Variants in BRD4 observed in about 807,000 individuals in gnomAD.
BRD4 encodes the protein bromodomain containing 4.
A neutral mutation model predicts 142.1 loss-of-function variants in BRD4; 16 were observed. The ratio of observed to expected loss-of-function variants is 0.11; its 90% CI spans 0.08 to 0.17. The LOEUF is 0.17. Among genes scored for constraint, BRD4 ranks in the 10% least tolerant of loss-of-function variants. The probability of loss-of-function intolerance (pLI) is 1.00; values close to 1 mark genes in which losing one functional copy is unlikely to be tolerated. For synonymous variants in BRD4, 833 were observed against 707.5 expected (o/e 1.18, Z -2.82); for missense variants, 1,424 against 1,810.9 (o/e 0.79, Z 3.88).
intron 2 of BRD4, 112 bp from the exon 3 acceptor site, chr19:15,269,154 C>A (rs1402209672): frequency 1.8e-5 from 21 of 1,180,082 alleles, no homozygotes; most frequent in Non-Finnish European, 2.5e-5. Flanking sequence ...ACAGGTAAAT[C>A]CACGGGAGCC....
chr19:15,280,411 G>A (rs200114175), intron 1 of BRD4: 2 of 1,015,794 alleles, frequency 2.0e-6, no homozygotes, highest in Non-Finnish European at 2.4e-6. Context: ...CCCATAAGCT[G>A]GGTCTTAAGT....
At chr19:15,314,875 G>C (rs1318305859) in intron 1 of BRD4, among the ~76,000 whole-genome samples, 1 of 152,140 alleles carries the variant, frequency 6.6e-6, no homozygotes, top group Non-Finnish European at 1.5e-5. Flanking sequence ...GTAAGGTCTA[G>C]ACCAGACCTT....
chr19:15,323,663 T>C (rs978103798), intron 1 of BRD4, among the ~76,000 whole-genome samples: 4 of 152,100 alleles, frequency 2.6e-5, no homozygotes, highest in South Asian at 2.1e-4. Context: ...TTTCTGAAAA[T>C]TGTGTAATAC....
chr19:15,263,414 C>G lies in BRD4; in HGVS notation c.1341+6G>C, dbSNP rs28729313. 2.2e-3 allele frequency: 3,532 copies of G among 1,613,442 alleles called. 63 individuals are homozygous for G. In the African/African-American group the frequency reaches 0.041, roughly 19 times the overall value. Reference sequence around the variant, plus strand: ...CTGAGGGTGGCTGCGCCCTCCCAAGCCTCACCTGGAGCTTGCGGGCCATGG... The same window carrying G: ...CTGAGGGTGGCTGCGCCCTCCCAAGGCTCACCTGGAGCTTGCGGGCCATGG... On this transcript the variant is annotated splice_donor_region_variant and intron_variant, in intron 7 of 19. Coordinates refer to ENST00000679869, the MANE Select transcript of BRD4 (RefSeq NM_001379291.1).
chr19:15,267,851 C>G (rs907966394), intron 3 of BRD4, among the ~76,000 whole-genome samples: 1 of 152,200 alleles, frequency 6.6e-6, no homozygotes, highest in East Asian at 1.9e-4. Context: ...CAGCCAATCA[C>G]TGAAAGGGGC....
At chr19:15,292,187 C>T (rs1220221545) in intron 1 of BRD4, among the ~76,000 whole-genome samples, 2 of 152,212 alleles carry the variant, frequency 1.3e-5, no homozygotes, top group Admixed American at 6.5e-5. Flanking sequence ...TCCCACCATA[C>T]TTAATGATCC....
intron 2 of BRD4, among the ~76,000 whole-genome samples, chr19:15,270,817 TG>T (rs2047579153): frequency 6.6e-6 from 1 of 152,164 alleles, no homozygotes; most frequent in Non-Finnish European, 1.5e-5. Flanking sequence ...GCATCCCCTT[TG>T]GCTCAGCCCC....
chr19:15,247,513 G>A (rs1048506507), intron 11 of BRD4: 4 of 233,132 alleles, frequency 1.7e-5, no homozygotes, highest in Non-Finnish European at 3.4e-5. Flanking sequence ...AGGTTGAAAG[G>A]ACCCTGGAGG....
At chr19:15,319,946 C>CA (rs111389505) in intron 1 of BRD4, among the ~76,000 whole-genome samples, 103 of 151,656 alleles carry the variant, frequency 6.8e-4, no homozygotes, top group African/African-American at 2.4e-3. Context: ...CAAAACAAAA[C>CA]AAAACAAAAA....
rs563114548 is a variant in BRD4 at position 15,236,815 on chromosome 19, G to A, written c.*1562C>T. On this transcript the variant is annotated 3_prime_UTR_variant, in exon 20 of 20. Transcript: ENST00000679869. Reference sequence around the variant, plus strand: ...GCCTAGGCAACAGTTGGTTCACAAAGAAATGTCAGGGAGACGCCAGCATTA... The same window carrying A: ...GCCTAGGCAACAGTTGGTTCACAAAAAAATGTCAGGGAGACGCCAGCATTA... 2 of 180,748 alleles carry A rather than the reference G, an allele frequency of 1.1e-5. No individual in the cohort carries two copies. Among genetic ancestry groups the A allele is most frequent in the East Asian group, 1.8e-4 (2 of 11,112 alleles). The allele number at this position is 180,748 out of a possible 1,614,324, so 11.2% of individuals were successfully genotyped here.
intron 3 of BRD4, 107 bp from the exon 4 acceptor site, chr19:15,267,658 G>A (rs1382062964): frequency 2.0e-5 from 27 of 1,317,466 alleles, no homozygotes; most frequent in African/African-American, 2.0e-4. Context: ...ATGAAGCGTC[G>A]TATTCCGGGT....
At chr19:15,309,845 T>C (rs1203990394) in intron 1 of BRD4, among the ~76,000 whole-genome samples, 2 of 152,128 alleles carry the variant, frequency 1.3e-5, no homozygotes, top group Non-Finnish European at 1.5e-5. Context: ...CAAGAATCAC[T>C]GTGCCGGAGT....
chr19:15,322,111 A>G (rs1365915550), intron 1 of BRD4, among the ~76,000 whole-genome samples: 1 of 152,108 alleles, frequency 6.6e-6, no homozygotes, highest in Non-Finnish European at 1.5e-5. Context: ...TGACCCCCCC[A>G]TAAGAAACAC....
chr19:15,259,321 G>A (rs745909775), intron 7 of BRD4, among the ~76,000 whole-genome samples: 17 of 152,314 alleles, frequency 1.1e-4, no homozygotes, highest in Admixed American at 2.6e-4. Context: ...CTACCTCAGC[G>A]AACTGGTCTG....
At chr19:15,251,426 G>A (rs967980897) in intron 11 of BRD4, among the ~76,000 whole-genome samples, 5 of 110,404 alleles carry the variant, frequency 4.5e-5, no homozygotes, top group Admixed American at 1.3e-4. Flanking sequence ...AATCCAAATG[G>A]AAACACAAGA....
intron 1 of BRD4, among the ~76,000 whole-genome samples, chr19:15,298,820 A>G (rs980172170): frequency 2.0e-5 from 3 of 152,140 alleles, no homozygotes; most frequent in Non-Finnish European, 4.4e-5. Context: ...AATCATTCAA[A>G]TATCAATCCG....
chr19:15,238,563 A>AG lies in BRD4; in HGVS notation c.4021-119dup. 1 of 1,556,106 alleles carries AG rather than the reference A, an allele frequency of 6.4e-7. No individual in the cohort carries two copies. The highest frequency in any genetic ancestry group is 8.7e-7 in the Non-Finnish European group (1 of 1,151,510). On this transcript the variant is annotated intron_variant, in intron 19 of 19. Transcript: ENST00000679869. The surrounding 1 kb of genome is among the most constrained non-coding windows in gnomAD (Gnocchi z 7.2). ...GCCCTCCCCGTGGCTGACCCCTCAT[A>AG]GCGCTCACCCCGTCCACACAGCACT... is the stretch of plus-strand genomic sequence containing the variant.
rs747153554 is a variant in BRD4, at chr19:15,239,764, TCTC to T, written c.3337_3339del (p.Glu1113del). The T allele has an allele frequency of 3.8e-4, 608 of 1,611,066 alleles. 8 individuals are homozygous for T. The highest frequency in any genetic ancestry group is 2.3e-4 in the Admixed American group (14 of 59,950). ...CTGCGGATGATGGGTGAGTGGATCTTCTCCTCCTTCACCACCACGAGGGGCTGG... is the reference window on the plus strand; with the variant it reads ...CTGCGGATGATGGGTGAGTGGATCTTCTCCTTCACCACCACGAGGGGCTGG... On this transcript the variant is annotated inframe_deletion, in exon 16 of 20. Coordinates refer to ENST00000679869, the MANE Select transcript of BRD4 (RefSeq NM_001379291.1). This position sits in a 1 kb window ranked among gnomAD's most constrained non-coding sequence, Gnocchi z 7.4.
At chr19:15,275,543 C>T (rs933077522) in intron 1 of BRD4, 1 of 152,188 alleles carries the variant, frequency 6.6e-6, no homozygotes, top group African/African-American at 2.4e-5. Context: ...CACAGATGGT[C>T]GTGACACAGT....
Sources: gnomAD v4.1 joint callset for allele counts (sites outside exome capture counted in the v4.1 genomes callset) on GRCh38, gnomAD v4.1.1 for gene constraint, Gnocchi (gnomAD v3.1) non-coding constraint, MANE v1.5 for transcripts, NCBI Gene and HGNC (gene_info 2026-07-23, HGNC 2026-07-21) for gene names.